The following GABBR2 variants were observed in gnomAD, a reference collection of about 807,000 sequenced individuals.
The protein encoded by GABBR2 is G-protein coupled receptor 51.
Under a neutral mutation model 105.6 loss-of-function variants are expected in GABBR2, and 23 were observed. The observed-to-expected ratio is 0.22, with a 90% CI of 0.16 to 0.31. GABBR2 has a LOEUF of 0.31. Among genes scored for constraint, GABBR2 ranks in the 10% least tolerant of loss-of-function variants. The probability of loss-of-function intolerance (pLI) is 1.00; values close to 1 mark genes in which losing one functional copy is unlikely to be tolerated. For synonymous variants in GABBR2, 478 were observed against 499.7 expected, an observed-to-expected ratio of 0.96 and a Z score of 0.58; for missense variants, 734 against 1,245.5, an observed-to-expected ratio of 0.59 and a Z score of 6.18.
intron 13 of GABBR2, among the ~76,000 whole-genome samples, chr9:98,347,239 T>C (rs1308801195): frequency 6.6e-6 from 1 of 152,204 alleles, no homozygotes; most frequent in Admixed American, 6.5e-5. Flanking sequence ...TTGCCAACAT[T>C]TGTTACTTTT....
intron 3 of GABBR2, among the ~76,000 whole-genome samples, chr9:98,521,355 C>T (rs2131712871): frequency 6.6e-6 from 1 of 152,292 alleles, no homozygotes; most frequent in East Asian, 1.9e-4. Flanking sequence ...ACTGACCTCA[C>T]AGCCTCTGAT....
intron 1 of GABBR2, among the ~76,000 whole-genome samples, chr9:98,583,259 T>C (rs1829027769): frequency 6.6e-6 from 1 of 152,270 alleles, no homozygotes; most frequent in Non-Finnish European, 1.5e-5. Flanking sequence ...TCTAATGCTG[T>C]GTCTTCTTAC....
chr9:98,581,629 G>A lies in GABBR2; in HGVS notation c.322-3557C>T, dbSNP rs74621034. On this transcript the variant is annotated intron_variant, in intron 1 of 18. Coordinates refer to ENST00000259455, the MANE Select transcript of GABBR2 (RefSeq NM_005458.8). ...ACACTTCTCACCCCCAACAGAGCAC[G>A]AGCAGATAATAACAGAGTAGTTCAT... 9.7e-3 allele frequency among the ~76,000 whole-genome samples: 1,469 copies of A among 151,994 alleles called. 28 individuals are homozygous for A. The highest frequency in any genetic ancestry group is 0.034 in the African/African-American group (1,405 of 41,450).
intron 13 of GABBR2, among the ~76,000 whole-genome samples, chr9:98,323,346 G>A (rs1830859411): frequency 6.6e-6 from 1 of 152,248 alleles, no homozygotes; most frequent in Non-Finnish European, 1.5e-5. Flanking sequence ...CTAATATTGT[G>A]TGCTGTGATG....
chr9:98,341,420 T>G (rs999208722), intron 13 of GABBR2, among the ~76,000 whole-genome samples: 2 of 152,236 alleles, frequency 1.3e-5, no homozygotes, highest in Non-Finnish European at 2.9e-5. Context: ...ATTTACACCT[T>G]GCCTCCTCTC....
chr9:98,614,164 CA>C (rs1564131210), intron 1 of GABBR2, among the ~76,000 whole-genome samples: 1 of 152,156 alleles, frequency 6.6e-6, no homozygotes, highest in East Asian at 1.9e-4. Context: ...AAGGAACACT[CA>C]AAATAAGAGA....
chr9:98,393,342 A>ACCATCCATCCATCCAT lies in GABBR2; in HGVS notation c.1378+817_1378+832dup, dbSNP rs921463721. Among the ~76,000 whole-genome samples the ACCATCCATCCATCCAT allele has an allele frequency of 7.6e-5, 8 of 104,700 alleles. 1 individual carries two copies. The highest frequency in any genetic ancestry group is 2.9e-4 in the East Asian group (1 of 3,480). The allele number at this position is 104,700 out of a possible 152,430, so 68.7% of individuals were successfully genotyped here. A position where few individuals can be genotyped will look rare whatever the true frequency, so the allele number is the denominator to read the frequency against. ...ACACACCCATCCAGGCATCCACCCAACCATCCATCCATCCATCCATCCATC... is the reference window on the plus strand; with the variant it reads ...ACACACCCATCCAGGCATCCACCCAACCATCCATCCATCCATCCATCCATCCATCCATCCATCCATC... On this transcript the variant is annotated intron_variant, in intron 9 of 18. Transcript: ENST00000259455.
chr9:98,572,888 G>A (rs932856900), intron 2 of GABBR2, among the ~76,000 whole-genome samples: 1 of 152,284 alleles, frequency 6.6e-6, no homozygotes, highest in Admixed American at 6.5e-5. Context: ...TCCACGTCCA[G>A]TTGCAGCCGT....
At chr9:98,509,103 C>T (rs187422336) in intron 3 of GABBR2, among the ~76,000 whole-genome samples, 68 of 152,308 alleles carry the variant, frequency 4.5e-4, no homozygotes, top group East Asian at 3.9e-3. Context: ...GCAGCATTTG[C>T]GGTTCTCCAA....
At chr9:98,404,612 G>T (rs554852413) in intron 8 of GABBR2, among the ~76,000 whole-genome samples, 1 of 152,024 alleles carries the variant, frequency 6.6e-6, no homozygotes, top group African/African-American at 2.4e-5. Context: ...TCATCTAGTC[G>T]TTTTGGCTAA....
At chr9:98,639,809 AAATAGCCTT>A (rs2131835380) in intron 1 of GABBR2, among the ~76,000 whole-genome samples, 1 of 152,022 alleles carries the variant, frequency 6.6e-6, no homozygotes, top group Non-Finnish European at 1.5e-5. Context: ...GTCTCATTAA[AAATAGCCTT>A]ATCTCGGGAG....
intron 7 of GABBR2, among the ~76,000 whole-genome samples, chr9:98,410,892 G>A (rs1386013616): frequency 6.6e-6 from 1 of 152,170 alleles, no homozygotes; most frequent in African/African-American, 2.4e-5. Context: ...AAGGGGCATG[G>A]CAATTTTCTG....
At chr9:98,379,784 T>C (rs1352307526) in intron 11 of GABBR2, among the ~76,000 whole-genome samples, 1 of 152,198 alleles carries the variant, frequency 6.6e-6, no homozygotes, top group African/African-American at 2.4e-5. Flanking sequence ...CATCCCCATT[T>C]TACAGAAGAG....
intron 7 of GABBR2, among the ~76,000 whole-genome samples, chr9:98,419,287 G>C (rs559446678): frequency 6.6e-6 from 1 of 152,334 alleles, no homozygotes; most frequent in Non-Finnish European, 1.5e-5. Flanking sequence ...TCTACTCTGG[G>C]ATCCCCCAGT....
intron 11 of GABBR2, among the ~76,000 whole-genome samples, chr9:98,384,224 A>G (rs369909688): frequency 3.9e-5 from 6 of 152,262 alleles, no homozygotes; most frequent in Non-Finnish European, 8.8e-5. Context: ...GTCAATGTCC[A>G]GAAATACATC....
At chr9:98,462,035 GACATGAGATTTGGAGGGGACGA>G (rs147864953) in intron 6 of GABBR2, among the ~76,000 whole-genome samples, 375 of 152,318 alleles carry the variant, frequency 2.5e-3, no homozygotes, top group African/African-American at 8.6e-3. Context: ...ATTACATTTT[GACATGAGATTTGGAGGGGACGA>G]ACATCCAAAC....
chr9:98,491,190 G>A (rs1398606349), intron 4 of GABBR2, among the ~76,000 whole-genome samples: 2 of 152,186 alleles, frequency 1.3e-5, no homozygotes, highest in African/African-American at 4.8e-5. Flanking sequence ...CTTATCTATA[G>A]AAAAGGACTC....
At chr9:98,533,893 T>C (rs1828118941) in intron 3 of GABBR2, among the ~76,000 whole-genome samples, 1 of 152,046 alleles carries the variant, frequency 6.6e-6, no homozygotes, top group Non-Finnish European at 1.5e-5. Context: ...AGAGAGACCA[T>C]AAAGGGTCTC....
At chr9:98,539,454 A>T (rs183539949) in intron 3 of GABBR2, among the ~76,000 whole-genome samples, 9 of 152,340 alleles carry the variant, frequency 5.9e-5, no homozygotes, top group African/African-American at 1.9e-4. Flanking sequence ...CCCAAAATTT[A>T]GTCCTGACTT....
Sources: gnomAD v4.1 joint callset for allele counts (sites outside exome capture counted in the v4.1 genomes callset) on GRCh38, gnomAD v4.1.1 for gene constraint, MANE v1.5 for transcripts, NCBI Gene and HGNC (gene_info 2026-07-23, HGNC 2026-07-21) for gene names.